WWOX: variants seen among roughly 807,000 people sequenced by gnomAD.
WWOX encodes WW domain containing oxidoreductase.
In WWOX, 69 loss-of-function variants were observed where a neutral mutation model predicts 46.2. That is an observed-to-expected ratio of 1.49 (90% confidence interval 1.23 to 1.82). The LOEUF is 1.82. Ranked by LOEUF, WWOX falls within the 40% of genes most tolerant of loss-of-function variation. WWOX has a pLI of 0.00. For synonymous variants in WWOX, 359 were observed against 202.6 expected, an observed-to-expected ratio of 1.77 and a Z score of -6.56; for missense variants, 919 against 542.6, an observed-to-expected ratio of 1.69 and a Z score of -6.89.
At chr16:78,792,812 C>T (rs2050639230) in intron 8 of WWOX, among the ~76,000 whole-genome samples, 1 of 152,102 alleles carries the variant, frequency 6.6e-6, no homozygotes, top group Non-Finnish European at 1.5e-5. Context: ...AGATTGCCAG[C>T]AGGGAGCTCT....
chr16:78,375,585 T>C (rs1332817024), intron 5 of WWOX, among the ~76,000 whole-genome samples: 1 of 152,244 alleles, frequency 6.6e-6, no homozygotes, highest in African/African-American at 2.4e-5. Context: ...TTTGCTTTTC[T>C]TTCATAGTCT....
At chr16:78,997,369 T>TGG (rs1168376415) in intron 8 of WWOX, among the ~76,000 whole-genome samples, 5 of 152,314 alleles carry the variant, frequency 3.3e-5, no homozygotes, top group Non-Finnish European at 7.3e-5. Context: ...ATTCGTGGCT[T>TGG]GGGTCTGTTT....
chr16:78,205,286 C>G (rs557726815), intron 5 of WWOX, among the ~76,000 whole-genome samples: 1 of 152,098 alleles, frequency 6.6e-6, no homozygotes, highest in Non-Finnish European at 1.5e-5. Context: ...GTTAGGTAGA[C>G]AAACAGAAAA....
chr16:79,112,083 C>G (rs1171635916), intron 8 of WWOX, among the ~76,000 whole-genome samples: 1 of 152,202 alleles, frequency 6.6e-6, no homozygotes, highest in Non-Finnish European at 1.5e-5. Flanking sequence ...GGACACAGAA[C>G]AGGCTCATTC....
At chr16:78,534,925 G>A (rs895234667) in intron 8 of WWOX, among the ~76,000 whole-genome samples, 2 of 152,062 alleles carry the variant, frequency 1.3e-5, no homozygotes, top group Non-Finnish European at 2.9e-5. Flanking sequence ...TGGTGGCCGG[G>A]ATGGTCTCGA....
At chr16:78,218,312 A>G (rs2151795584) in intron 5 of WWOX, among the ~76,000 whole-genome samples, 1 of 151,728 alleles carries the variant, frequency 6.6e-6, no homozygotes, top group East Asian at 2.0e-4. Flanking sequence ...CTGGGCTCAA[A>G]CTCCTGGGTT....
intron 8 of WWOX, among the ~76,000 whole-genome samples, chr16:78,663,829 G>A (rs949184077): frequency 1.3e-5 from 2 of 152,192 alleles, no homozygotes; most frequent in Admixed American, 6.5e-5. Flanking sequence ...AAGCACAGGT[G>A]CAGCAAGTGC....
intron 8 of WWOX, among the ~76,000 whole-genome samples, chr16:78,555,601 T>TC (rs2044274975): frequency 6.7e-6 from 1 of 150,270 alleles, no homozygotes; most frequent in Non-Finnish European, 1.5e-5. Flanking sequence ...TTTTTTTTTT[T>TC]ACTACTTGCA....
Position 78,358,639 on chromosome 16 carries a change from C to A in WWOX, c.517-28221C>A, listed in dbSNP as rs370544674. Among the ~76,000 whole-genome samples, 10 of 151,464 alleles carry A rather than the reference C, an allele frequency of 6.6e-5. No homozygotes were observed. In the East Asian group the frequency reaches 7.8e-4, roughly 12 times the overall value. On this transcript the variant is annotated intron_variant, in intron 5 of 8. Coordinates refer to ENST00000566780, the MANE Select transcript of WWOX (RefSeq NM_016373.4). ...TTCTACTGCACTCCAGCCTGAGCAACAGAGCAAGACTCCGTGTCAAAAAAT... is the reference window on the plus strand; with the variant it reads ...TTCTACTGCACTCCAGCCTGAGCAAAAGAGCAAGACTCCGTGTCAAAAAAT...
At chr16:78,867,694 C>A (rs1046751385) in intron 8 of WWOX, among the ~76,000 whole-genome samples, 1 of 152,020 alleles carries the variant, frequency 6.6e-6, no homozygotes. Context: ...GTGCCTGCCA[C>A]CATGCCTGGC....
chr16:78,720,673 C>T (rs77802034), intron 8 of WWOX, among the ~76,000 whole-genome samples: 2,271 of 152,116 alleles, frequency 0.015, 50 homozygotes, highest in African/African-American at 0.052. Flanking sequence ...GACTATATAA[C>T]AGAAAACACC....
intron 8 of WWOX, among the ~76,000 whole-genome samples, chr16:78,846,533 CGTG>C (rs1007342733): frequency 1.3e-5 from 2 of 152,004 alleles, no homozygotes; most frequent in African/African-American, 4.8e-5. Flanking sequence ...ATTAGAATGA[CGTG>C]GTGCATTTTT....
Position 79,124,016 on chromosome 16 carries a change from C to T in WWOX, c.1057-87592C>T, listed in dbSNP as rs574501993. ...CCAAGCTAAATAAACTCTGCCTTCT[C>T]GAGCCCCTGATTGTCTTATTAAATA... On this transcript the variant is annotated intron_variant, in intron 8 of 8. Coordinates refer to ENST00000566780, the MANE Select transcript of WWOX (RefSeq NM_016373.4). Among the ~76,000 whole-genome samples, 36 of 152,248 alleles carry T rather than the reference C, an allele frequency of 2.4e-4. 1 individual carries two copies. Among genetic ancestry groups the T allele is most frequent in the African/African-American group, 6.0e-4 (25 of 41,544 alleles).
intron 8 of WWOX, among the ~76,000 whole-genome samples, chr16:78,826,956 G>A (rs2051674507): frequency 6.6e-6 from 1 of 152,220 alleles, no homozygotes; most frequent in African/African-American, 2.4e-5. Context: ...TTTTGAATAT[G>A]TTTCTTCCTT....
intron 8 of WWOX, among the ~76,000 whole-genome samples, chr16:79,169,727 G>A (rs894585608): frequency 1.3e-5 from 2 of 152,224 alleles, no homozygotes; most frequent in African/African-American, 2.4e-5. Context: ...TGGGCAGGAT[G>A]GCTGGGATCG....
intron 8 of WWOX, among the ~76,000 whole-genome samples, chr16:78,846,414 A>ACAGTTTGGAC (rs2052300373): frequency 6.6e-6 from 1 of 151,936 alleles, no homozygotes; most frequent in Non-Finnish European, 1.5e-5. Flanking sequence ...CTGGTCTGGG[A>ACAGTTTGGAC]CAGTTTCTCA....
At chr16:78,703,843 A>G (rs186497789) in intron 8 of WWOX, among the ~76,000 whole-genome samples, 1 of 152,250 alleles carries the variant, frequency 6.6e-6, no homozygotes, top group Admixed American at 6.5e-5. Flanking sequence ...AGAACTGGGT[A>G]TGACAGAACA....
intron 8 of WWOX, among the ~76,000 whole-genome samples, chr16:79,174,195 C>G (rs1464409998): frequency 6.6e-6 from 1 of 152,190 alleles, no homozygotes; most frequent in African/African-American, 2.4e-5. Context: ...AGCAAGCTTC[C>G]CTCAGCCCAG....
At chr16:78,596,024 G>A (rs921151582) in intron 8 of WWOX, among the ~76,000 whole-genome samples, 7 of 152,246 alleles carry the variant, frequency 4.6e-5, no homozygotes, top group African/African-American at 9.6e-5. Flanking sequence ...CTAAATGGTA[G>A]GAAGATGAGA....
Sources: allele counts gnomAD v4.1 joint callset (sites outside exome capture counted in the v4.1 genomes callset), GRCh38; gene constraint gnomAD v4.1.1; transcripts MANE v1.5; gene names NCBI Gene and HGNC (gene_info 2026-07-23, HGNC 2026-07-21).